Variants in NUP153 observed in about 807,000 individuals in gnomAD.
NUP153 encodes the protein nuclear pore complex protein Nup153.
Under a neutral mutation model 134.6 loss-of-function variants are expected in NUP153, and 27 were observed. The ratio of observed to expected loss-of-function variants is 0.20; its 90% CI spans 0.15 to 0.28. NUP153 has a LOEUF of 0.28. Among genes scored for constraint, NUP153 ranks in the 10% least tolerant of loss-of-function variants. NUP153 has a pLI of 1.00. For synonymous variants in NUP153, 640 were observed against 623.5 expected (o/e 1.03, Z -0.40); for missense variants, 1,821 against 1,731.3 (o/e 1.05, Z -0.92).
chr6:17,662,510 A>G (rs79385238), intron 9 of NUP153, among the ~76,000 whole-genome samples: 1 of 152,216 alleles, frequency 6.6e-6, no homozygotes, highest in South Asian at 2.1e-4. Flanking sequence ...AATGCATGTG[A>G]TGAGCCTGAA....
chr6:17,627,925 C>G (rs1160651590), intron 18 of NUP153, among the ~76,000 whole-genome samples: 1 of 152,140 alleles, frequency 6.6e-6, no homozygotes, highest in African/African-American at 2.4e-5. Flanking sequence ...AGAAAATTTT[C>G]TTCTGTCACT....
Position 17,625,454 on chromosome 6 carries a change from C to T in NUP153, c.3901+354G>A, listed in dbSNP as rs186995836. Reference sequence around the variant, plus strand: ...CTGAGGCAGGAGAATTGCTTGAACTCGGGAGAGGCAGGTTGCAGTGAGCTG... The same window carrying T: ...CTGAGGCAGGAGAATTGCTTGAACTTGGGAGAGGCAGGTTGCAGTGAGCTG... On this transcript the variant is annotated intron_variant, in intron 19 of 21. Transcript: ENST00000262077. The surrounding 1 kb of genome is among the most constrained non-coding windows in gnomAD (Gnocchi z 4.7). 2.0e-4 allele frequency among the ~76,000 whole-genome samples: 31 copies of T among 152,220 alleles called. No homozygotes were observed. Among genetic ancestry groups the T allele is most frequent in the East Asian group, 1.9e-4 (1 of 5,178 alleles).
rs115394314 is a variant in NUP153 at position 17,692,586 on chromosome 6, T to C, written c.112-3968A>G. 2.3e-3 allele frequency among the ~76,000 whole-genome samples: 357 copies of C among 152,278 alleles called. 1 individual carries two copies. The highest frequency in any genetic ancestry group is 8.3e-3 in the African/African-American group (345 of 41,562). On this transcript the variant is annotated intron_variant, in intron 1 of 21. Coordinates refer to ENST00000262077, the MANE Select transcript of NUP153 (RefSeq NM_005124.4). ...AATAATAAAATGGACCTGGAACCAG[T>C]ATGAAGGAACAAACATCCTTGTGTT... is the stretch of plus-strand genomic sequence containing the variant.
chr6:17,705,049 G>A lies in NUP153; in HGVS notation c.111+1228C>T, dbSNP rs182850248. Among the ~76,000 whole-genome samples the A allele has an allele frequency of 3.9e-3, 588 of 152,290 alleles. 7 individuals carry two copies. Among genetic ancestry groups the A allele is most frequent in the African/African-American group, 0.013 (541 of 41,556 alleles). ...TGGGATTACAGGCGTGAGCCAACGC[G>A]CCCGACCCAAATCTTTACTTTTAAA... On this transcript the variant is annotated intron_variant, in intron 1 of 21. Coordinates refer to ENST00000262077, the MANE Select transcript of NUP153 (RefSeq NM_005124.4).
intron 14 of NUP153, among the ~76,000 whole-genome samples, chr6:17,645,205 T>C (rs888871689): frequency 2.7e-5 from 4 of 148,872 alleles, no homozygotes; most frequent in Non-Finnish European, 4.4e-5. Context: ...ACCGTGCCAT[T>C]GCACTCCAGC....
chr6:17,702,249 T>C (rs775380403), intron 1 of NUP153, among the ~76,000 whole-genome samples: 13 of 152,160 alleles, frequency 8.5e-5, no homozygotes, highest in Admixed American at 2.6e-4. Flanking sequence ...AGCTCATGCC[T>C]GTAATACCAG....
At chr6:17,673,557 A>G (rs1417360591) in intron 5 of NUP153, among the ~76,000 whole-genome samples, 1 of 152,222 alleles carries the variant, frequency 6.6e-6, no homozygotes, top group African/African-American at 2.4e-5. Flanking sequence ...ATATTTCACC[A>G]AAAGATAGGC....
chr6:17,659,389 T>G (rs1162627432), intron 11 of NUP153, among the ~76,000 whole-genome samples: 5 of 152,248 alleles, frequency 3.3e-5, no homozygotes, highest in African/African-American at 9.6e-5. Context: ...GATTTAAAAT[T>G]CATGGTCCAA....
intron 18 of NUP153, among the ~76,000 whole-genome samples, chr6:17,626,623 G>GTT (rs1454971837): frequency 1.3e-5 from 2 of 152,176 alleles, no homozygotes; most frequent in African/African-American, 4.8e-5. Flanking sequence ...TTGCAATGCT[G>GTT]TCTTTATCAC....
chr6:17,652,803 C>T (rs1026833887), intron 11 of NUP153, among the ~76,000 whole-genome samples: 1 of 152,058 alleles, frequency 6.6e-6, no homozygotes, highest in African/African-American at 2.4e-5. Context: ...GCAGGTGGAT[C>T]ACCTAAGGTC....
chr6:17,632,003 G>A (rs924613518), intron 17 of NUP153, among the ~76,000 whole-genome samples: 15 of 151,984 alleles, frequency 9.9e-5, no homozygotes, highest in African/African-American at 3.1e-4. Context: ...GTTAGTTTAG[G>A]ATTAATTACT....
intron 1 of NUP153, among the ~76,000 whole-genome samples, chr6:17,705,275 TTAAAA>T (rs1327144198): frequency 6.6e-6 from 1 of 152,228 alleles, no homozygotes; most frequent in Non-Finnish European, 1.5e-5. Flanking sequence ...AGTGGCTTTA[TTAAAA>T]TAAGTTAACA....
rs542300086 is a variant in NUP153, at chr6:17,686,204, G to C, written c.334+2192C>G. 2.6e-5 allele frequency among the ~76,000 whole-genome samples: 4 copies of C among 152,084 alleles called. No homozygotes were observed. In the East Asian group the frequency reaches 7.7e-4, roughly 29 times the overall value. ...AAAAGCCAACTGTAAACAGCCTTAG[G>C]TAAGTCCTTCTGGAAGTATTCCAGA... On this transcript the variant is annotated intron_variant, in intron 2 of 21. Coordinates refer to ENST00000262077, the MANE Select transcript of NUP153 (RefSeq NM_005124.4).
chr6:17,692,481 T>A (rs931313414), intron 1 of NUP153, among the ~76,000 whole-genome samples: 1 of 152,074 alleles, frequency 6.6e-6, no homozygotes, highest in Non-Finnish European at 1.5e-5. Context: ...ACCACTGCGC[T>A]CCTGCCTGGG....
intron 1 of NUP153, among the ~76,000 whole-genome samples, chr6:17,689,259 T>C (rs1328957000): frequency 6.6e-6 from 1 of 151,904 alleles, no homozygotes; most frequent in African/African-American, 2.4e-5. Flanking sequence ...TGGTGGCGCA[T>C]GCCTATAATC....
rs1220697380 is a variant in NUP153, at chr6:17,628,103, G to A, written c.3544+552C>T. Among the ~76,000 whole-genome samples, 1 of 152,168 alleles carries A rather than the reference G, an allele frequency of 6.6e-6. No homozygotes were observed. Among genetic ancestry groups the A allele is most frequent in the Non-Finnish European group, 1.5e-5 (1 of 68,034 alleles). ...AGTTCTTCCTGCTATTCAGCTCACA[G>A]AATGACTTTAATAGGATCCACCAAC... On this transcript the variant is annotated intron_variant, in intron 18 of 21. Coordinates refer to ENST00000262077, the MANE Select transcript of NUP153 (RefSeq NM_005124.4). This position sits in a 1 kb window ranked among gnomAD's most constrained non-coding sequence, Gnocchi z 5.4.
At chr6:17,658,270 C>T (rs1373596312) in intron 11 of NUP153, among the ~76,000 whole-genome samples, 2 of 152,188 alleles carry the variant, frequency 1.3e-5, no homozygotes, top group African/African-American at 4.8e-5. Flanking sequence ...GTGGCACATG[C>T]CTGTAATCAC....
chr6:17,638,063 T>G lies in NUP153; in HGVS notation c.1847-293A>C, dbSNP rs917767680. On this transcript the variant is annotated intron_variant, in intron 15 of 21. Coordinates refer to ENST00000262077, the MANE Select transcript of NUP153 (RefSeq NM_005124.4). The surrounding 1 kb of genome is among the most constrained non-coding windows in gnomAD (Gnocchi z 4.0). ...ATGGTACTAATTTACTGATATGTAT[T>G]ATTGCCATCCACATTTTGCTATATT... 4.6e-5 allele frequency among the ~76,000 whole-genome samples: 7 copies of G among 152,238 alleles called. No homozygotes were observed. The highest frequency in any genetic ancestry group is 1.7e-4 in the African/African-American group (7 of 41,458).
intron 17 of NUP153, 120 bp downstream of exon 17, chr6:17,632,530 T>C (rs1263491529): frequency 5.9e-6 from 4 of 675,680 alleles, no homozygotes; most frequent in Non-Finnish European, 9.5e-6. Flanking sequence ...AATCTCATTT[T>C]ATATTAATTT....
Sources: allele counts gnomAD v4.1 joint callset (sites outside exome capture counted in the v4.1 genomes callset), GRCh38; gene constraint gnomAD v4.1.1; non-coding constraint Gnocchi (gnomAD v3.1); transcripts MANE v1.5; gene names NCBI Gene and HGNC (gene_info 2026-07-23, HGNC 2026-07-21).